TNFSF4: variants seen among roughly 807,000 people sequenced by gnomAD.
The protein encoded by TNFSF4 is tumor necrosis factor ligand superfamily member 4.
Under a neutral mutation model 7.3 loss-of-function variants are expected in TNFSF4, and 4 were observed. The ratio of observed to expected loss-of-function variants is 0.55; its 90% CI spans 0.27 to 1.25. TNFSF4 has a LOEUF of 1.25. Ranked by LOEUF, TNFSF4 falls within the 50% of genes most tolerant of loss-of-function variation. The probability of loss-of-function intolerance (pLI) is 0.12; values close to 1 mark genes in which losing one functional copy is unlikely to be tolerated. For missense variants in TNFSF4, 181 were observed against 208.8 expected (o/e 0.87, Z 0.82); for synonymous variants, 76 against 83.7 (o/e 0.91, Z 0.50).
At chr1:173,206,917 A>C (rs1311058654) in intron 1 of TNFSF4, 107 bp downstream of exon 1, 31 of 1,327,184 alleles carry the variant, frequency 2.3e-5, no homozygotes, top group Non-Finnish European at 3.0e-5. Context: ...AGGGAAAAAA[A>C]ACTCAACACT....
At chr1:173,441,532 G>A in the TNFSF4 span, among the ~76,000 whole-genome samples, 2 of 152,178 alleles carry the variant, frequency 1.3e-5, no homozygotes, top group African/African-American at 4.8e-5. Flanking sequence ...GCTGAAGCAT[G>A]AGAATCACTT....
At chr1:173,318,539 T>A in the TNFSF4 span, among the ~76,000 whole-genome samples, 1 of 152,062 alleles carries the variant, frequency 6.6e-6, no homozygotes, top group Non-Finnish European at 1.5e-5. Context: ...ATTCAAATGA[T>A]CAACAAAATA....
At chr1:173,234,740 A>G in the TNFSF4 span, among the ~76,000 whole-genome samples, 178 of 152,294 alleles carry the variant, frequency 1.2e-3, no homozygotes, top group African/African-American at 4.0e-3. Context: ...TGGGAATTGA[A>G]CAATGAGAAC....
At chr1:173,298,994 T>C in the TNFSF4 span, among the ~76,000 whole-genome samples, 8 of 152,002 alleles carry the variant, frequency 5.3e-5, no homozygotes, top group Non-Finnish European at 1.0e-4. Flanking sequence ...CTATGAGTGA[T>C]ATATCCAGTT....
At chr1:173,295,787 A>G in the TNFSF4 span, among the ~76,000 whole-genome samples, 1 of 151,986 alleles carries the variant, frequency 6.6e-6, no homozygotes, top group African/African-American at 2.4e-5. Context: ...TGTCCCCATA[A>G]ACTTTTCTTA....
chr1:173,336,258 T>G, the TNFSF4 span, among the ~76,000 whole-genome samples: 1 of 152,212 alleles, frequency 6.6e-6, no homozygotes, highest in Non-Finnish European at 1.5e-5. Context: ...ATTAAAGATT[T>G]GAAAGACACA....
chr1:173,234,878 GC>G, the TNFSF4 span, among the ~76,000 whole-genome samples: 1 of 152,040 alleles, frequency 6.6e-6, no homozygotes, highest in Admixed American at 6.6e-5. Context: ...CACCAACATG[GC>G]ACATGTGTAC....
chr1:173,358,441 C>T, the TNFSF4 span, among the ~76,000 whole-genome samples: 1 of 152,144 alleles, frequency 6.6e-6, no homozygotes, highest in African/African-American at 2.4e-5. Flanking sequence ...AGTGGAGCAA[C>T]CAGAACCCTC....
the TNFSF4 span, among the ~76,000 whole-genome samples, chr1:173,441,252 T>G: frequency 6.0e-4 from 91 of 152,128 alleles, no homozygotes; most frequent in Middle Eastern, 3.2e-3. Flanking sequence ...CTCACCCTTT[T>G]CTTCTTTTTC....
chr1:173,364,992 G>A, the TNFSF4 span, among the ~76,000 whole-genome samples: 1 of 151,828 alleles, frequency 6.6e-6, no homozygotes, highest in Non-Finnish European at 1.5e-5. Context: ...TCTAAGCCCA[G>A]CTACTCAGGA....
chr1:173,243,010 G>A, the TNFSF4 span, among the ~76,000 whole-genome samples: 1 of 116,508 alleles, frequency 8.6e-6, no homozygotes, highest in South Asian at 3.7e-4. Context: ...TGGGTGGGGG[G>A]GGGGGGGGAG....
At chr1:173,363,035 T>TAA in the TNFSF4 span, 1 of 382,816 alleles carries the variant, frequency 2.6e-6, no homozygotes, top group Non-Finnish European at 5.2e-6. Context: ...ATAAGTCTAT[T>TAA]TGTTTCTAGA....
the TNFSF4 span, among the ~76,000 whole-genome samples, chr1:173,324,418 T>C: frequency 2.4e-4 from 36 of 152,208 alleles, no homozygotes; most frequent in African/African-American, 7.7e-4. Context: ...CATGCCAAAT[T>C]GTAAAGACCA....
the TNFSF4 span, among the ~76,000 whole-genome samples, chr1:173,300,188 CAT>C: frequency 6.6e-6 from 1 of 151,060 alleles, no homozygotes; most frequent in African/African-American, 2.5e-5. Context: ...TACATACATA[CAT>C]ACATACATAC....
chr1:173,196,936 G>T (rs1176026156), intron 1 of TNFSF4, among the ~76,000 whole-genome samples: 1 of 152,148 alleles, frequency 6.6e-6, no homozygotes, highest in African/African-American at 2.4e-5. Flanking sequence ...TGGAAGGGTA[G>T]GTTTACAAGG....
the TNFSF4 span, among the ~76,000 whole-genome samples, chr1:173,442,353 T>C: frequency 6.6e-6 from 1 of 152,050 alleles, no homozygotes; most frequent in Admixed American, 6.6e-5. Context: ...CAAGTGATCC[T>C]GCTCCCCCAA....
At chr1:173,179,506 T>C (rs1396095811), downstream of TNFSF4, among the ~76,000 whole-genome samples, 2 of 152,188 alleles carry the variant, frequency 1.3e-5, no homozygotes, top group East Asian at 1.9e-4. Context: ...TTGACATCTA[T>C]ACACACCCCT....
At chr1:173,271,971 G>A in the TNFSF4 span, among the ~76,000 whole-genome samples, 2 of 152,144 alleles carry the variant, frequency 1.3e-5, no homozygotes, top group African/African-American at 4.8e-5. Context: ...ATGGTGGACT[G>A]GATTAAGAAA....
the TNFSF4 span, among the ~76,000 whole-genome samples, chr1:173,395,377 A>AATTATATATATATAT: frequency 1.6e-5 from 1 of 63,236 alleles, no homozygotes; most frequent in South Asian, 1.0e-3. Context: ...CTGTGTATAT[A>AATTATATATATATAT]ATATATATAT....
Sources: allele counts gnomAD v4.1 joint callset (sites outside exome capture counted in the v4.1 genomes callset), GRCh38; gene constraint gnomAD v4.1.1; transcripts MANE v1.5; gene names NCBI Gene and HGNC (gene_info 2026-07-23, HGNC 2026-07-21).